Variants in DBH observed in about 807,000 individuals in gnomAD.
DBH encodes dopamine beta-hydroxylase (dopamine beta-monooxygenase).
A neutral mutation model predicts 64.0 loss-of-function variants in DBH; 49 were observed. The observed-to-expected ratio is 0.77, with a 90% CI of 0.61 to 0.97. DBH has a LOEUF of 0.97. Among genes scored for constraint, DBH ranks in the 50% least tolerant of loss-of-function variants. The pLI is 0.00. For missense variants in DBH, 828 were observed against 826.6 expected, an observed-to-expected ratio of 1.00 and a Z score of -0.02; for synonymous variants, 343 against 347.1, an observed-to-expected ratio of 0.99 and a Z score of 0.13.
intron 4 of DBH, 115 bp from the exon 5 acceptor site, chr9:133,644,103 C>T (rs1312085611): frequency 6.1e-5 from 49 of 800,886 alleles, no homozygotes; most frequent in Non-Finnish European, 8.5e-5. Context: ...AATCCTGCTG[C>T]GCCCCCTCCA....
chr9:133,645,277 T>G (rs2131287139), intron 5 of DBH, among the ~76,000 whole-genome samples: 1 of 151,616 alleles, frequency 6.6e-6, no homozygotes, highest in East Asian at 2.0e-4. Flanking sequence ...AAGTAATACC[T>G]TCCGCCACTG....
intron 9 of DBH, 144 bp downstream of exon 9, chr9:133,653,143 C>T (rs1832272277): frequency 2.8e-6 from 2 of 722,508 alleles, no homozygotes; most frequent in Non-Finnish European, 5.0e-6. Context: ...CTCCCTGAAC[C>T]ACAGTGGCAG....
intron 1 of DBH, among the ~76,000 whole-genome samples, chr9:133,639,376 C>T (rs990648739): frequency 1.3e-5 from 2 of 152,222 alleles, no homozygotes; most frequent in African/African-American, 4.8e-5. Context: ...CTTTCCTGTT[C>T]ATGTCCCACC....
At chr9:133,644,175 C>T (rs752574886) in intron 4 of DBH, 43 bp from the exon 5 acceptor site, 4 of 1,498,546 alleles carry the variant, frequency 2.7e-6, no homozygotes, top group Non-Finnish European at 3.7e-6. Context: ...ACCTGGGGCC[C>T]TCTCAGGACA....
intron 10 of DBH, 135 bp from the exon 11 acceptor site, chr9:133,656,935 A>T: frequency 9.2e-7 from 1 of 1,081,376 alleles, no homozygotes; most frequent in Non-Finnish European, 1.4e-6. Flanking sequence ...TGGCGGAGGC[A>T]GCGGGGCTGG....
At chr9:133,652,816 C>T (rs547026100) in intron 8 of DBH, 124 bp from the exon 9 acceptor site, 24 of 739,288 alleles carry the variant, frequency 3.2e-5, no homozygotes, top group African/African-American at 1.0e-4. Flanking sequence ...TTGTAGTGGA[C>T]GACAGGGACT....
At chr9:133,652,629 C>T (rs1346468711) in intron 8 of DBH, among the ~76,000 whole-genome samples, 1 of 152,190 alleles carries the variant, frequency 6.6e-6, no homozygotes, top group East Asian at 1.9e-4. Flanking sequence ...GGGCCAAGCC[C>T]AGGCCTCGGT....
At chr9:133,639,480 G>A (rs1832091111) in intron 1 of DBH, among the ~76,000 whole-genome samples, 1 of 152,176 alleles carries the variant, frequency 6.6e-6, no homozygotes, top group African/African-American at 2.4e-5. Flanking sequence ...CCAGTCTTGA[G>A]GAGGCCTTGG....
At position 133,656,603 on chromosome 9, in the gene DBH, C is replaced by T. The variant is rs200029167; in HGVS notation, c.1515C>T (p.Ser505=). 19 of 1,613,626 alleles carry T rather than the reference C, an allele frequency of 1.2e-5. No individual in the cohort carries two copies. Among genetic ancestry groups the T allele is most frequent in the African/African-American group, 2.7e-5 (2 of 75,048 alleles). The change falls in exon 10 of 12, where the codon AGC becomes AGT. Residue 505 remains serine, a synonymous_variant. Transcript: ENST00000393056. ...YPQTQLELCK[S]AVDAGFLQKY... ...AGACGCAGCTGGAGCTCTGCAAGAGCGCTGTGGACGCCGGCTTCCTGCAGA... is the reference window on the plus strand; with the variant it reads ...AGACGCAGCTGGAGCTCTGCAAGAGTGCTGTGGACGCCGGCTTCCTGCAGA...
Position 133,658,547 on chromosome 9 carries a change from C to T in DBH, c.*100C>T, listed in dbSNP as rs129882. 269,489 of 1,336,366 alleles carry T rather than the reference C, an allele frequency of 0.2. 28,781 individuals are homozygous for T. Among genetic ancestry groups the T allele is most frequent in the East Asian group, 0.39 (14,743 of 37,956 alleles). 82.8% of individuals were successfully genotyped at this position (1,336,366 alleles called of 1,614,324 possible). On this transcript the variant is annotated 3_prime_UTR_variant, in exon 12 of 12. Transcript: ENST00000393056. ...ACGATCCCCATGGAACAGCCCTGCA[C>T]GCCCAGGATGAAGGGGCCAGACCAC... is the stretch of plus-strand genomic sequence containing the variant.
chr9:133,646,719 T>C (rs1832186188), intron 5 of DBH, among the ~76,000 whole-genome samples: 1 of 152,198 alleles, frequency 6.6e-6, no homozygotes, highest in South Asian at 2.1e-4. Context: ...AGACAGGGTT[T>C]CGCCATGTTG....
chr9:133,658,662 C>T lies in DBH; in HGVS notation c.*215C>T, dbSNP rs1448904907. Reference sequence around the variant, plus strand: ...GGGTGTGGGTGCCCTGTTGACCTACCCTGGACCGAGTGGACCACGACCTCG... The same window carrying T: ...GGGTGTGGGTGCCCTGTTGACCTACTCTGGACCGAGTGGACCACGACCTCG... On this transcript the variant is annotated 3_prime_UTR_variant, in exon 12 of 12. Coordinates refer to ENST00000393056, the MANE Select transcript of DBH (RefSeq NM_000787.4). The T allele has an allele frequency of 2.0e-6, 1 of 508,802 alleles. No homozygotes were observed. Among genetic ancestry groups the T allele is most frequent in the East Asian group, 3.3e-5 (1 of 30,132 alleles). 31.5% of individuals were successfully genotyped at this position (508,802 alleles called of 1,614,324 possible).
chr9:133,649,260 G>A (rs1832217831), intron 6 of DBH, among the ~76,000 whole-genome samples: 1 of 152,106 alleles, frequency 6.6e-6, no homozygotes, highest in South Asian at 2.1e-4. Context: ...TTATATGATG[G>A]ATGTTATTTC....
At chr9:133,652,524 C>T (rs1202160253) in intron 8 of DBH, among the ~76,000 whole-genome samples, 6 of 151,996 alleles carry the variant, frequency 3.9e-5, no homozygotes, top group Admixed American at 2.6e-4. Context: ...TCCCAGGGGA[C>T]GCGTGTCCTC....
chr9:133,645,220 C>G (rs1057017332), intron 5 of DBH, among the ~76,000 whole-genome samples: 1 of 149,004 alleles, frequency 6.7e-6, no homozygotes, highest in Non-Finnish European at 1.5e-5. Context: ...CGGGGCTGTG[C>G]TCAGCTAACA....
Position 133,643,593 on chromosome 9 carries a change from C to T in DBH, c.921+4C>T, listed in dbSNP as rs761983627. On this transcript the variant is annotated splice_donor_region_variant and intron_variant, in intron 4 of 11. Coordinates refer to ENST00000393056, the MANE Select transcript of DBH (RefSeq NM_000787.4). The surrounding 1 kb of genome is among the most constrained non-coding windows in gnomAD (Gnocchi z 5.3). ...CGCCTGGGCCCTGGGTGCCAAGGTG[C>T]GTGCCCTGCGACCCCAGCATGGTGT... is the stretch of plus-strand genomic sequence containing the variant. 16 of 1,613,046 alleles carry T rather than the reference C, an allele frequency of 9.9e-6. No individual in the cohort carries two copies. The highest frequency in any genetic ancestry group is 2.2e-5 in the South Asian group (2 of 91,054).
chr9:133,640,058 A>T, intron 2 of DBH, 66 bp downstream of exon 2: 1 of 1,589,678 alleles, frequency 6.3e-7, no homozygotes, highest in Non-Finnish European at 8.6e-7. Flanking sequence ...ATCCTGTGCC[A>T]ATGTCATAGT....
chr9:133,638,822 C>A (rs980657764), intron 1 of DBH, among the ~76,000 whole-genome samples: 2 of 152,164 alleles, frequency 1.3e-5, no homozygotes, highest in Admixed American at 6.5e-5. Flanking sequence ...GTACGAAGGG[C>A]AGCCTGCTTG....
intron 5 of DBH, 123 bp downstream of exon 5, chr9:133,644,443 G>A (rs558302187): frequency 1.4e-4 from 114 of 813,158 alleles, no homozygotes; most frequent in Non-Finnish European, 2.0e-4. Flanking sequence ...CTCTTGGCAC[G>A]AGGCCCTTGC....
Sources: gnomAD v4.1 joint callset for allele counts (sites outside exome capture counted in the v4.1 genomes callset) on GRCh38, gnomAD v4.1.1 for gene constraint, Gnocchi (gnomAD v3.1) non-coding constraint, MANE v1.5 for transcripts, NCBI Gene and HGNC (gene_info 2026-07-23, HGNC 2026-07-21) for gene names.